The following EFNA5 variants were observed in gnomAD, a reference collection of about 807,000 sequenced individuals.
EFNA5 encodes the protein ephrin-A5.
Under a neutral mutation model 22.9 loss-of-function variants are expected in EFNA5, and 5 were observed. The ratio of observed to expected loss-of-function variants is 0.22; its 90% CI spans 0.11 to 0.46. EFNA5 has a LOEUF of 0.46. Among genes scored for constraint, EFNA5 ranks in the 20% least tolerant of loss-of-function variants. The pLI is 0.99. For synonymous variants in EFNA5, 113 were observed against 112.2 expected, an observed-to-expected ratio of 1.01 and a Z score of -0.04; for missense variants, 237 against 293.3, an observed-to-expected ratio of 0.81 and a Z score of 1.40.
chr5:107,537,459 T>A (rs992088334), intron 1 of EFNA5, among the ~76,000 whole-genome samples: 2 of 152,040 alleles, frequency 1.3e-5, no homozygotes, highest in African/African-American at 4.8e-5. Context: ...ATTAGCTGGG[T>A]GTGGTGGCGG....
chr5:107,598,579 C>T (rs1376384692), intron 1 of EFNA5, among the ~76,000 whole-genome samples: 2 of 152,072 alleles, frequency 1.3e-5, no homozygotes, highest in African/African-American at 4.8e-5. Flanking sequence ...TATAATCTTT[C>T]CTTTGGAAGG....
At chr5:107,480,531 C>A (rs1183568154) in intron 1 of EFNA5, among the ~76,000 whole-genome samples, 1 of 152,188 alleles carries the variant, frequency 6.6e-6, no homozygotes, top group Non-Finnish European at 1.5e-5. Context: ...CTGGCCTAGG[C>A]ACTATATGGA....
Position 107,419,009 on chromosome 5 carries a change from A to G in EFNA5, c.418+8208T>C, listed in dbSNP as rs554226046. Among the ~76,000 whole-genome samples the G allele has an allele frequency of 1.8e-4, 27 of 152,318 alleles. No individual in the cohort carries two copies. In the South Asian group the frequency reaches 5.2e-3, roughly 29 times the overall value. On this transcript the variant is annotated intron_variant, in intron 2 of 4. Coordinates refer to ENST00000333274, the MANE Select transcript of EFNA5 (RefSeq NM_001962.3). ...ATACTTTTCAATACCCTGTGTTCCT[A>G]TGAATTGCCTCCTCCACCTTTGATT...
chr5:107,488,458 A>C (rs1746704875), intron 1 of EFNA5, among the ~76,000 whole-genome samples: 1 of 152,202 alleles, frequency 6.6e-6, no homozygotes, highest in Admixed American at 6.5e-5. Context: ...AGATATCTCT[A>C]GTTATTCTCT....
At chr5:107,563,400 A>G (rs773797640) in intron 1 of EFNA5, among the ~76,000 whole-genome samples, 1 of 151,700 alleles carries the variant, frequency 6.6e-6, no homozygotes, top group Non-Finnish European at 1.5e-5. Flanking sequence ...TGGGACACCT[A>G]CTTTCTTTTT....
chr5:107,547,077 G>C (rs1748180319), intron 1 of EFNA5, among the ~76,000 whole-genome samples: 1 of 152,162 alleles, frequency 6.6e-6, no homozygotes, highest in Non-Finnish European at 1.5e-5. Context: ...GCAACCACCA[G>C]TGGACTGTTT....
Position 107,485,213 on chromosome 5 carries a change from T to C in EFNA5, c.126-57704A>G, listed in dbSNP as rs116922339. Among the ~76,000 whole-genome samples the C allele has an allele frequency of 2.3e-4, 35 of 152,346 alleles. No individual in the cohort carries two copies. The East Asian group carries it at 6.8e-3, about 29-fold the overall frequency. ...TTGTCTGCACTAGATGGTCCAATTC[T>C]AGCCAGACTTCAACTTGTAGCAGTC... On this transcript the variant is annotated intron_variant, in intron 1 of 4. Coordinates refer to ENST00000333274, the MANE Select transcript of EFNA5 (RefSeq NM_001962.3).
Position 107,381,094 on chromosome 5 carries a change from C to T in EFNA5, c.*161G>A, listed in dbSNP as rs1024774305. 3.8e-5 allele frequency: 42 copies of T among 1,106,650 alleles called. No individual in the cohort carries two copies. The Admixed American group carries it at 1.1e-3, about 28-fold the overall frequency. 68.6% of individuals were successfully genotyped at this position (1,106,650 alleles called of 1,614,324 possible). ...GCAGGAACAAGTTTAGGCCCCCAAC[C>T]TGAAGTTGTTGCTTAGAATTCAGGC... On this transcript the variant is annotated 3_prime_UTR_variant, in exon 5 of 5. Transcript: ENST00000333274.
chr5:107,625,793 T>C (rs986216786), intron 1 of EFNA5, among the ~76,000 whole-genome samples: 1 of 152,178 alleles, frequency 6.6e-6, no homozygotes, highest in African/African-American at 2.4e-5. Context: ...TACCCCTAAA[T>C]TAAATTAGTC....
At chr5:107,586,111 T>G (rs1229534746) in intron 1 of EFNA5, among the ~76,000 whole-genome samples, 2 of 152,206 alleles carry the variant, frequency 1.3e-5, no homozygotes, top group Admixed American at 6.5e-5. Flanking sequence ...TGTTTTCCTT[T>G]GTTTCTGAAT....
chr5:107,554,847 A>T (rs1421909701), intron 1 of EFNA5, among the ~76,000 whole-genome samples: 6 of 152,210 alleles, frequency 3.9e-5, no homozygotes, highest in Admixed American at 3.9e-4. Flanking sequence ...TGCCCGAGCC[A>T]AGATGCAAAT....
At chr5:107,435,318 T>A in intron 1 of EFNA5, among the ~76,000 whole-genome samples, 1 of 87,482 alleles carries the variant, frequency 1.1e-5, no homozygotes, top group Non-Finnish European at 2.5e-5. Context: ...AGATGCTCTT[T>A]TTTTTTTTTT....
chr5:107,650,205 T>C (rs576296555), intron 1 of EFNA5, among the ~76,000 whole-genome samples: 1 of 152,308 alleles, frequency 6.6e-6, no homozygotes, highest in East Asian at 1.9e-4. Flanking sequence ...AAGGAATGAA[T>C]TGCCTAATGT....
At chr5:107,489,156 T>A (rs374480179) in intron 1 of EFNA5, among the ~76,000 whole-genome samples, 3 of 152,156 alleles carry the variant, frequency 2.0e-5, no homozygotes, top group East Asian at 3.9e-4. Context: ...TATTGCAAAC[T>A]CATGTATTGG....
At chr5:107,644,597 A>T (rs546440058) in intron 1 of EFNA5, among the ~76,000 whole-genome samples, 6 of 152,226 alleles carry the variant, frequency 3.9e-5, no homozygotes, top group Non-Finnish European at 7.3e-5. Context: ...AATCTTTGTT[A>T]ATTACCTAGT....
intron 1 of EFNA5, among the ~76,000 whole-genome samples, chr5:107,596,734 A>C (rs1480828955): frequency 6.6e-6 from 1 of 152,188 alleles, no homozygotes; most frequent in Non-Finnish European, 1.5e-5. Context: ...AGATGGAATT[A>C]GCAGGTTTTG....
chr5:107,400,962 T>G lies in EFNA5; in HGVS notation c.419-13191A>C, dbSNP rs546258270. The stretch of plus-strand genomic sequence containing the variant: ...AAACCTTAGTTTAGCAATCAGACAA[T>G]GCACAGATGGATAACAAAAGATTGA... On this transcript the variant is annotated intron_variant, in intron 2 of 4. Coordinates refer to ENST00000333274, the MANE Select transcript of EFNA5 (RefSeq NM_001962.3). Among the ~76,000 whole-genome samples the G allele has an allele frequency of 2.2e-4, 33 of 152,292 alleles. No individual in the cohort carries two copies. In the South Asian group the frequency reaches 6.4e-3, roughly 30 times the overall value.
chr5:107,586,099 C>T (rs980619823), intron 1 of EFNA5, among the ~76,000 whole-genome samples: 4 of 152,090 alleles, frequency 2.6e-5, no homozygotes, highest in Admixed American at 6.5e-5. Context: ...TATTGTTTAT[C>T]GTGTTTTCCT....
At chr5:107,593,508 G>A (rs998116651) in intron 1 of EFNA5, among the ~76,000 whole-genome samples, 3 of 152,150 alleles carry the variant, frequency 2.0e-5, no homozygotes, top group Non-Finnish European at 2.9e-5. Flanking sequence ...TGTCAGAGAT[G>A]TTCAAACCTC....
Sources: allele counts gnomAD v4.1 joint callset (sites outside exome capture counted in the v4.1 genomes callset), GRCh38; gene constraint gnomAD v4.1.1; transcripts MANE v1.5; gene names NCBI Gene and HGNC (gene_info 2026-07-23, HGNC 2026-07-21).